Variants in FOXP2 observed in about 807,000 individuals in gnomAD.
FOXP2 encodes forkhead box protein P2.
A neutral mutation model predicts 115.8 loss-of-function variants in FOXP2; 12 were observed. The ratio of observed to expected loss-of-function variants is 0.10; its 90% confidence interval spans 0.07 to 0.17. The LOEUF (loss-of-function observed/expected upper bound fraction) is 0.17, where lower values mean the gene tolerates loss of function less well. Ranked by LOEUF, FOXP2 falls within the 10% of genes least tolerant of loss-of-function variation. The probability of loss-of-function intolerance (pLI) is 1.00; values close to 1 mark genes in which losing one functional copy is unlikely to be tolerated. For missense variants in FOXP2, 629 were observed against 843.5 expected (o/e 0.75, Z 3.15); for synonymous variants, 328 against 297.7 (o/e 1.10, Z -1.05).
intron 2 of FOXP2, among the ~76,000 whole-genome samples, chr7:114,526,553 G>C (rs1423867132): frequency 1.3e-5 from 2 of 150,906 alleles, no homozygotes; most frequent in African/African-American, 4.9e-5. Flanking sequence ...AGTCTTCACA[G>C]AAGTAATCAA....
rs1321222406 is a variant in FOXP2, at chr7:114,692,069, A to C, written c.*2143A>C. 4.4e-6 allele frequency: 2 copies of C among 454,116 alleles called. No homozygotes were observed. Among genetic ancestry groups the C allele is most frequent in the Admixed American group, 4.7e-5 (2 of 42,560 alleles). 28.1% of individuals were successfully genotyped at this position (454,116 alleles called of 1,614,324 possible). A position where few individuals can be genotyped will look rare whatever the true frequency, so the allele number is the denominator to read the frequency against. On this transcript the variant is annotated 3_prime_UTR_variant, in exon 17 of 17. Coordinates refer to ENST00000350908, the MANE Select transcript of FOXP2 (RefSeq NM_014491.4). ...CATGATCAACGAACCGGAAGTTTAC[A>C]ATATGGTATTAAAAGAAAGATGGGT...
At chr7:114,445,860 A>G (rs1226940758) in intron 2 of FOXP2, among the ~76,000 whole-genome samples, 2 of 152,138 alleles carry the variant, frequency 1.3e-5, no homozygotes, top group Admixed American at 1.3e-4. Context: ...TAAGTGCATG[A>G]TACTCTATCA....
chr7:114,271,048 G>A (rs1351083910), intron 1 of FOXP2, among the ~76,000 whole-genome samples: 1 of 151,524 alleles, frequency 6.6e-6, no homozygotes, highest in Admixed American at 6.6e-5. Flanking sequence ...TATTGCTTCT[G>A]TTCCTTTATC....
chr7:114,560,795 A>T (rs1800723060), intron 3 of FOXP2, among the ~76,000 whole-genome samples: 1 of 152,198 alleles, frequency 6.6e-6, no homozygotes, highest in Non-Finnish European at 1.5e-5. Flanking sequence ...ATTTAATCCT[A>T]ATTTTGACAG....
At chr7:114,168,669 C>A (rs1305490802) in intron 1 of FOXP2, among the ~76,000 whole-genome samples, 2 of 152,150 alleles carry the variant, frequency 1.3e-5, no homozygotes, top group African/African-American at 4.8e-5. Context: ...GAAATTCAAG[C>A]CTACTGCACA....
At chr7:114,188,899 A>G (rs1327668892) in intron 1 of FOXP2, among the ~76,000 whole-genome samples, 1 of 152,234 alleles carries the variant, frequency 6.6e-6, no homozygotes, top group Non-Finnish European at 1.5e-5. Flanking sequence ...TCATTTGTTT[A>G]TTAATAAACT....
intron 1 of FOXP2, among the ~76,000 whole-genome samples, chr7:114,122,850 A>G (rs949971167): frequency 6.6e-6 from 1 of 152,064 alleles, no homozygotes; most frequent in Non-Finnish European, 1.5e-5. Flanking sequence ...TATGAATTTG[A>G]TACAGAAATT....
At chr7:114,329,972 C>T (rs1170939647) in intron 2 of FOXP2, among the ~76,000 whole-genome samples, 1 of 152,066 alleles carries the variant, frequency 6.6e-6, no homozygotes, top group East Asian at 1.9e-4. Context: ...ACTGCCACAG[C>T]CAATTACTTC....
At chr7:114,640,063 T>C (rs1162780668) in intron 6 of FOXP2, among the ~76,000 whole-genome samples, 1 of 152,072 alleles carries the variant, frequency 6.6e-6, no homozygotes, top group Non-Finnish European at 1.5e-5. Flanking sequence ...GAGTTGACAA[T>C]ACAGCAGAGA....
At chr7:114,102,369 C>A (rs760107362) in intron 1 of FOXP2, among the ~76,000 whole-genome samples, 2 of 151,756 alleles carry the variant, frequency 1.3e-5, no homozygotes, top group Non-Finnish European at 2.9e-5. Flanking sequence ...TGAAATTTTT[C>A]TGTAAAGGTC....
At chr7:114,468,390 AT>A (rs887260889) in intron 2 of FOXP2, among the ~76,000 whole-genome samples, 1 of 152,076 alleles carries the variant, frequency 6.6e-6, no homozygotes, top group African/African-American at 2.4e-5. Flanking sequence ...GCTTAAGAAA[AT>A]TCTTCAATTG....
At chr7:114,216,202 C>G (rs1291140115) in intron 1 of FOXP2, among the ~76,000 whole-genome samples, 1 of 152,176 alleles carries the variant, frequency 6.6e-6, no homozygotes, top group African/African-American at 2.4e-5. Context: ...AATGGCATTT[C>G]TTGATCAAAA....
chr7:114,208,718 T>C (rs1227850496), intron 1 of FOXP2, among the ~76,000 whole-genome samples: 1 of 152,084 alleles, frequency 6.6e-6, no homozygotes. Context: ...CTCATGATAG[T>C]GAATAAGTCT....
chr7:114,597,887 C>T (rs1437971186), intron 3 of FOXP2, among the ~76,000 whole-genome samples: 4 of 152,122 alleles, frequency 2.6e-5, no homozygotes, highest in Non-Finnish European at 5.9e-5. Flanking sequence ...TGCACCTACT[C>T]AGGAATTATC....
chr7:114,179,611 T>C (rs1351658652), intron 1 of FOXP2, among the ~76,000 whole-genome samples: 1 of 152,044 alleles, frequency 6.6e-6, no homozygotes, highest in Non-Finnish European at 1.5e-5. Flanking sequence ...TTAATGTTAG[T>C]CTTTTGCCTT....
chr7:114,628,710 A>G (rs1227428530), intron 4 of FOXP2, 33 bp downstream of exon 4: 1 of 1,613,598 alleles, frequency 6.2e-7, no homozygotes, highest in Non-Finnish European at 8.5e-7. Flanking sequence ...GTGTTCTAGC[A>G]TGACTTAGAA....
chr7:114,253,098 G>T (rs547040988), intron 1 of FOXP2, among the ~76,000 whole-genome samples: 2 of 152,126 alleles, frequency 1.3e-5, no homozygotes, highest in African/African-American at 4.8e-5. Context: ...GTAATTGAGC[G>T]GTTTTGGGTG....
intron 1 of FOXP2, among the ~76,000 whole-genome samples, chr7:114,088,965 A>G (rs1799486572): frequency 6.6e-6 from 1 of 152,172 alleles, no homozygotes; most frequent in Admixed American, 6.5e-5. Context: ...TTGTATCTAT[A>G]TTAAAAGAGT....
intron 1 of FOXP2, among the ~76,000 whole-genome samples, chr7:114,174,563 T>C (rs1793236506): frequency 6.6e-6 from 1 of 152,048 alleles, no homozygotes; most frequent in South Asian, 2.1e-4. Flanking sequence ...AATAATATAC[T>C]GCTCCATCTT....
Sources: gnomAD v4.1 joint callset for allele counts (sites outside exome capture counted in the v4.1 genomes callset) on GRCh38, gnomAD v4.1.1 for gene constraint, MANE v1.5 for transcripts, NCBI Gene and HGNC (gene_info 2026-07-23, HGNC 2026-07-21) for gene names.